Variants in MIA2 observed in about 807,000 individuals in gnomAD.
MIA2 encodes the protein melanoma inhibitory activity protein 2.
In MIA2, 127 loss-of-function variants were observed where a neutral mutation model predicts 167.8. The observed-to-expected ratio is 0.76, with a 90% CI of 0.66 to 0.88. MIA2 has a LOEUF of 0.88. Among genes scored for constraint, MIA2 ranks in the 40% least tolerant of loss-of-function variants. The pLI is 0.00. For missense variants in MIA2, 1,690 were observed against 1,624.7 expected (o/e 1.04, Z -0.69); for synonymous variants, 552 against 541.9 (o/e 1.02, Z -0.26).
chr14:39,340,136 C>T (rs942437031), intron 25 of MIA2, among the ~76,000 whole-genome samples: 26 of 152,202 alleles, frequency 1.7e-4, no homozygotes, highest in South Asian at 1.0e-3. Flanking sequence ...AGCCACCACG[C>T]CCTCCTTCGT....
intron 13 of MIA2, among the ~76,000 whole-genome samples, chr14:39,298,419 A>ATG: frequency 5.0e-5 from 1 of 20,032 alleles, no homozygotes; most frequent in African/African-American, 3.1e-4. Flanking sequence ...TGTTTTATAT[A>ATG]TATATATATA....
At chr14:39,340,393 G>C (rs1402517481) in intron 25 of MIA2, among the ~76,000 whole-genome samples, 1 of 152,200 alleles carries the variant, frequency 6.6e-6, no homozygotes, top group African/African-American at 2.4e-5. Context: ...GACATATAGT[G>C]TACAGCTAAA....
intron 2 of MIA2, 41 bp from the exon 3 acceptor site, chr14:39,240,520 G>T: frequency 6.8e-7 from 1 of 1,479,440 alleles, no homozygotes; most frequent in South Asian, 1.1e-5. Context: ...TTATTGCTTT[G>T]ATCATTCTTC....
chr14:39,288,914 G>C (rs1178922884), intron 9 of MIA2, among the ~76,000 whole-genome samples: 1 of 151,986 alleles, frequency 6.6e-6, no homozygotes, highest in East Asian at 1.9e-4. Flanking sequence ...CTGTAGGTTT[G>C]TTTGTTTGTT....
intron 6 of MIA2, among the ~76,000 whole-genome samples, chr14:39,258,775 G>T (rs2054934605): frequency 6.6e-6 from 1 of 152,084 alleles, no homozygotes; most frequent in African/African-American, 2.4e-5. Flanking sequence ...TTTTTGTGTG[G>T]GGGTCCTTTA....
chr14:39,278,365 T>G (rs566014246), intron 7 of MIA2, among the ~76,000 whole-genome samples: 1 of 152,324 alleles, frequency 6.6e-6, no homozygotes. Flanking sequence ...TTTTTCAATT[T>G]CTTTATGGTT....
At chr14:39,270,523 T>G (rs1403776542) in intron 6 of MIA2, among the ~76,000 whole-genome samples, 2 of 151,716 alleles carry the variant, frequency 1.3e-5, no homozygotes, top group Non-Finnish European at 2.9e-5. Context: ...GTTGTTGTTG[T>G]TGTTTGTTTG....
At position 39,295,001 on chromosome 14, in the gene MIA2, A is replaced by C; in HGVS notation, c.2468A>C (p.Asn823Thr). The change falls in exon 13 of 29, where the codon AAT becomes ACT. Residue 823 changes from asparagine to threonine, a missense_variant. Physicochemically the swap from Asn to Thr is moderately conservative, Grantham distance 65. Coordinates refer to ENST00000640607, the MANE Select transcript of MIA2 (RefSeq NM_001329214.4). ...GCAATAAAAGATGCTTTGAATGAAAATTCTCAACTTCAGGAAAGCCAGAAA... is the reference window on the plus strand; with the variant it reads ...GCAATAAAAGATGCTTTGAATGAAACTTCTCAACTTCAGGAAAGCCAGAAA... ...KIAIKDALNE[N>T]SQLQESQKQL... 1 of 1,613,422 alleles carries C rather than the reference A, an allele frequency of 6.2e-7. No homozygotes were observed. The highest frequency in any genetic ancestry group is 8.5e-7 in the Non-Finnish European group (1 of 1,179,372).
intron 9 of MIA2, among the ~76,000 whole-genome samples, chr14:39,287,135 A>G (rs2059932933): frequency 6.8e-6 from 1 of 146,468 alleles, no homozygotes; most frequent in Admixed American, 6.7e-5. Flanking sequence ...GTGCAGTGGC[A>G]TGGTCATGGC....
chr14:39,247,114 A>T lies in MIA2; in HGVS notation c.540A>T (p.Ala180=). ...CTTTGTTTGAAGACCAAGTTCCAGC[A>T]TTAGAGGCTCCTGAAGATATCGGAA... ...ESTLFEDQVP[A]LEAPEDIGST... Residue 180 remains alanine (A), a synonymous_variant, in exon 4 of 29, where the codon GCA becomes GCT. Transcript: ENST00000640607. The T allele has an allele frequency of 6.2e-7, 1 of 1,610,838 alleles. No homozygotes were observed.
chr14:39,329,074 G>A (rs535605049), intron 25 of MIA2, among the ~76,000 whole-genome samples: 1 of 152,122 alleles, frequency 6.6e-6, no homozygotes, highest in Non-Finnish European at 1.5e-5. Context: ...CCATTTTCAC[G>A]ATATTGATTC....
intron 23 of MIA2, among the ~76,000 whole-genome samples, chr14:39,373,153 TGAA>T (rs1255654982): frequency 3.9e-5 from 6 of 152,154 alleles, no homozygotes; most frequent in African/African-American, 7.2e-5. Context: ...TGTGTTTCAA[TGAA>T]GAAGTGAAAA....
intron 6 of MIA2, among the ~76,000 whole-genome samples, chr14:39,264,053 A>G (rs2152662213): frequency 6.6e-6 from 1 of 152,288 alleles, no homozygotes; most frequent in East Asian, 1.9e-4. Context: ...TGTCATCCAG[A>G]TAGTGAACAT....
rs930606903 is a variant in MIA2, at chr14:39,266,784, G to C, written c.1888-10150G>C. 9 of 979,316 alleles carry C rather than the reference G, an allele frequency of 9.2e-6. No individual in the cohort carries two copies. The Admixed American group carries it at 4.9e-4, about 54-fold the overall frequency. 60.7% of individuals were successfully genotyped at this position (979,316 alleles called of 1,614,324 possible). ...GGCGCAGACAGCAGGCTCCAGCGAG[G>C]CTGCGGAAGGAAAGCCTTGGGTGTC... is the stretch of plus-strand genomic sequence containing the variant. On this transcript the variant is annotated intron_variant, in intron 6 of 28. Transcript: ENST00000640607.
At chr14:39,324,665 G>A (rs2067116226) in intron 24 of MIA2, among the ~76,000 whole-genome samples, 1 of 151,440 alleles carries the variant, frequency 6.6e-6, no homozygotes, top group South Asian at 2.1e-4. Context: ...GGAGTGCAGT[G>A]GCACGATCTC....
chr14:39,249,557 G>T (rs1342283623), intron 4 of MIA2, among the ~76,000 whole-genome samples: 1 of 151,898 alleles, frequency 6.6e-6, no homozygotes, highest in African/African-American at 2.4e-5. Flanking sequence ...AAGGGAAAAA[G>T]TTTTCAACTT....
chr14:39,353,908 G>T (rs1345512372), downstream of MIA2, among the ~76,000 whole-genome samples: 1 of 152,166 alleles, frequency 6.6e-6, no homozygotes, highest in African/African-American at 2.4e-5. Flanking sequence ...GATTTTTTAT[G>T]GCTGCATAGT....
chr14:39,318,110 C>A, intron 22 of MIA2, 99 bp downstream of exon 22: 1 of 800,690 alleles, frequency 1.2e-6, no homozygotes, highest in South Asian at 1.7e-5. Flanking sequence ...TGCAGTGAAT[C>A]CAGCATATCT....
At chr14:39,354,744 G>A (rs900295781), downstream of MIA2, among the ~76,000 whole-genome samples, 12 of 152,134 alleles carry the variant, frequency 7.9e-5, no homozygotes, top group African/African-American at 2.9e-4. Context: ...TGTATAAGGT[G>A]TAAGGAAGGG....
Sources: gnomAD v4.1 joint callset for allele counts (sites outside exome capture counted in the v4.1 genomes callset) on GRCh38, gnomAD v4.1.1 for gene constraint, MANE v1.5 for transcripts, NCBI Gene and HGNC (gene_info 2026-07-23, HGNC 2026-07-21) for gene names.